CDH13: variants seen among roughly 807,000 people sequenced by gnomAD.
The protein encoded by CDH13 is cadherin 13.
CDH13 carries 24 observed loss-of-function variants against 63.8 expected under a neutral mutation model. The ratio of observed to expected loss-of-function variants is 0.38; its 90% CI spans 0.27 to 0.53. CDH13 has a LOEUF of 0.53. Ranked by LOEUF, CDH13 falls within the 20% of genes least tolerant of loss-of-function variation. CDH13 has a pLI of 0.85. For missense variants in CDH13, 1,049 were observed against 903.1 expected (o/e 1.16, Z -2.07); for synonymous variants, 503 against 355.3 (o/e 1.42, Z -4.67).
chr16:83,746,330 G>T (rs951582215), intron 10 of CDH13, among the ~76,000 whole-genome samples: 2 of 152,130 alleles, frequency 1.3e-5, no homozygotes, highest in African/African-American at 4.8e-5. Context: ...CTCCACGGTC[G>T]TGTGGTCTTC....
At chr16:83,573,164 C>T (rs1904801575) in intron 7 of CDH13, among the ~76,000 whole-genome samples, 1 of 152,142 alleles carries the variant, frequency 6.6e-6, no homozygotes, top group Non-Finnish European at 1.5e-5. Context: ...AAGATTTAGA[C>T]ACTGAAAGAA....
chr16:83,269,756 G>A (rs1341948101), intron 5 of CDH13, among the ~76,000 whole-genome samples: 1 of 152,100 alleles, frequency 6.6e-6, no homozygotes, highest in Non-Finnish European at 1.5e-5. Flanking sequence ...TCCTAGCCTT[G>A]CTCCTCACCA....
chr16:83,180,112 T>G (rs998009406), intron 4 of CDH13, among the ~76,000 whole-genome samples: 1 of 152,080 alleles, frequency 6.6e-6, no homozygotes, highest in Non-Finnish European at 1.5e-5. Flanking sequence ...TTAAATTTCA[T>G]TGGTTTAATT....
At chr16:82,875,243 G>C (rs996433979) in intron 2 of CDH13, among the ~76,000 whole-genome samples, 1 of 152,178 alleles carries the variant, frequency 6.6e-6, no homozygotes, top group Non-Finnish European at 1.5e-5. Flanking sequence ...GTTTTGATCA[G>C]GACATTTTAG....
intron 3 of CDH13, among the ~76,000 whole-genome samples, chr16:83,096,128 A>T (rs1165095469): frequency 2.0e-5 from 3 of 152,220 alleles, no homozygotes; most frequent in African/African-American, 7.2e-5. Flanking sequence ...ATGTGGAGTT[A>T]CAGGTACAAC....
intron 10 of CDH13, among the ~76,000 whole-genome samples, chr16:83,690,382 T>C (rs1171260018): frequency 6.6e-6 from 1 of 151,848 alleles, no homozygotes; most frequent in African/African-American, 2.4e-5. Flanking sequence ...CAGTGAAGAA[T>C]TGGAGGAAGT....
At chr16:83,299,801 C>G (rs767133003) in intron 5 of CDH13, among the ~76,000 whole-genome samples, 7 of 152,228 alleles carry the variant, frequency 4.6e-5, no homozygotes, top group Non-Finnish European at 1.0e-4. Flanking sequence ...TATCCCAACA[C>G]TTAGTGGCTG....
At chr16:83,083,189 G>A (rs1055525554) in intron 3 of CDH13, among the ~76,000 whole-genome samples, 5 of 152,186 alleles carry the variant, frequency 3.3e-5, no homozygotes, top group Non-Finnish European at 7.4e-5. Flanking sequence ...GGTATAGGAT[G>A]CACAGTTTTA....
intron 2 of CDH13, among the ~76,000 whole-genome samples, chr16:83,001,612 C>G (rs973906557): frequency 2.6e-5 from 4 of 152,212 alleles, no homozygotes; most frequent in Non-Finnish European, 5.9e-5. Context: ...AAGGAGTTAT[C>G]TGGCAGCCAT....
At chr16:83,140,093 C>T (rs2036464288) in intron 4 of CDH13, among the ~76,000 whole-genome samples, 1 of 152,198 alleles carries the variant, frequency 6.6e-6, no homozygotes, top group Non-Finnish European at 1.5e-5. Context: ...AGTGCGTATA[C>T]ATTCATAAAG....
At chr16:82,670,622 T>C (rs140337654) in intron 1 of CDH13, among the ~76,000 whole-genome samples, 107 of 152,272 alleles carry the variant, frequency 7.0e-4, no homozygotes, top group African/African-American at 2.5e-3. Flanking sequence ...TTCCAACAGA[T>C]TCTCGGAATG....
chr16:82,882,150 A>T (rs550561412), intron 2 of CDH13, among the ~76,000 whole-genome samples: 62 of 152,338 alleles, frequency 4.1e-4, no homozygotes, highest in African/African-American at 1.4e-3. Flanking sequence ...TTATGATTCA[A>T]TTCACACTTG....
At chr16:83,718,656 T>C (rs1909268037) in intron 10 of CDH13, among the ~76,000 whole-genome samples, 1 of 152,154 alleles carries the variant, frequency 6.6e-6, no homozygotes, top group South Asian at 2.1e-4. Context: ...ATTGAGGTCC[T>C]AGGGAAAACC....
chr16:82,993,790 T>G (rs1220568576), intron 2 of CDH13, among the ~76,000 whole-genome samples: 2 of 152,128 alleles, frequency 1.3e-5, no homozygotes, highest in African/African-American at 2.4e-5. Context: ...TGGCAGGATC[T>G]AACAAGCAGG....
chr16:83,127,724 G>A (rs941338169), intron 4 of CDH13, among the ~76,000 whole-genome samples: 1 of 152,124 alleles, frequency 6.6e-6, no homozygotes, highest in Non-Finnish European at 1.5e-5. Flanking sequence ...GAGACTCTGT[G>A]TCAAACAAAC....
At chr16:83,184,106 A>ACACC (rs1169301310) in intron 4 of CDH13, among the ~76,000 whole-genome samples, 1 of 147,214 alleles carries the variant, frequency 6.8e-6, no homozygotes, top group Non-Finnish European at 1.5e-5. Context: ...ACACACACAC[A>ACACC]CACACACACA....
chr16:82,864,789 G>C (rs114325127), intron 2 of CDH13, among the ~76,000 whole-genome samples: 1,531 of 152,190 alleles, frequency 0.01, 29 homozygotes, highest in African/African-American at 0.035. Context: ...AACAGTTCCC[G>C]AAAGTCTTAA....
chr16:83,621,599 G>T (rs12149239), intron 8 of CDH13, among the ~76,000 whole-genome samples: 13,392 of 142,428 alleles, frequency 0.094, 651 homozygotes, highest in Admixed American at 0.12. Flanking sequence ...CGATTCTCCT[G>T]CCTCAGCCTC....
At chr16:83,153,013 G>T (rs957061432) in intron 4 of CDH13, among the ~76,000 whole-genome samples, 1 of 152,224 alleles carries the variant, frequency 6.6e-6, no homozygotes, top group African/African-American at 2.4e-5. Flanking sequence ...TAACCGCTTA[G>T]TGGGTTCACC....
Sources: gnomAD v4.1 joint callset for allele counts (sites outside exome capture counted in the v4.1 genomes callset) on GRCh38, gnomAD v4.1.1 for gene constraint, MANE v1.5 for transcripts, NCBI Gene and HGNC (gene_info 2026-07-23, HGNC 2026-07-21) for gene names.